Variants in FBXL7 observed in about 807,000 individuals in gnomAD.
FBXL7 encodes the protein F-box and leucine rich repeat protein 7, also known as F-box/LRR-repeat protein 7.
In FBXL7, 12 loss-of-function variants were observed where a neutral mutation model predicts 38.3. The observed-to-expected ratio is 0.31, with a 90% CI of 0.20 to 0.51. The LOEUF (loss-of-function observed/expected upper bound fraction) is 0.51. Among genes scored for constraint, FBXL7 ranks in the 20% least tolerant of loss-of-function variants. The pLI is 0.98. For synonymous variants in FBXL7, 297 were observed against 300.9 expected (o/e 0.99, Z 0.13); for missense variants, 567 against 676.4 (o/e 0.84, Z 1.79).
intron 2 of FBXL7, among the ~76,000 whole-genome samples, chr5:15,790,714 C>A (rs1737251462): frequency 6.6e-6 from 1 of 152,100 alleles, no homozygotes; most frequent in South Asian, 2.1e-4. Flanking sequence ...GCTTCCCTGA[C>A]ATTTATTCAC....
At chr5:15,643,199 T>C (rs1741421955) in intron 2 of FBXL7, among the ~76,000 whole-genome samples, 1 of 152,244 alleles carries the variant, frequency 6.6e-6, no homozygotes, top group Admixed American at 6.5e-5. Flanking sequence ...ATCATGGAGC[T>C]GCTTCTCTCT....
intron 2 of FBXL7, 26 bp downstream of exon 2, chr5:15,616,098 TC>T: frequency 6.7e-7 from 1 of 1,501,566 alleles, no homozygotes; most frequent in Non-Finnish European, 9.2e-7. Flanking sequence ...TCATTATCTC[TC>T]TTTCTTCTTC....
chr5:15,925,867 A>T (rs1741865482), intron 2 of FBXL7, among the ~76,000 whole-genome samples: 1 of 152,228 alleles, frequency 6.6e-6, no homozygotes, highest in Non-Finnish European at 1.5e-5. Context: ...AGTGATACAC[A>T]TTCAGTAGAA....
At chr5:15,613,572 G>A (rs2126514985) in intron 1 of FBXL7, among the ~76,000 whole-genome samples, 1 of 152,260 alleles carries the variant, frequency 6.6e-6, no homozygotes, top group African/African-American at 2.4e-5. Context: ...ATAGTGAGAG[G>A]AAATGATGGC....
intron 1 of FBXL7, among the ~76,000 whole-genome samples, chr5:15,555,454 A>C (rs754965467): frequency 3.9e-5 from 6 of 152,148 alleles, no homozygotes; most frequent in African/African-American, 1.4e-4. Flanking sequence ...TCTTTAACAC[A>C]GTGGGGCTTT....
intron 2 of FBXL7, among the ~76,000 whole-genome samples, chr5:15,617,076 A>G (rs570670219): frequency 6.6e-6 from 1 of 152,316 alleles, no homozygotes; most frequent in African/African-American, 2.4e-5. Flanking sequence ...TATCTGCATT[A>G]TAATTTATGT....
chr5:15,685,088 C>T lies in FBXL7; in HGVS notation c.127+69016C>T, dbSNP rs113057463. ...GATCCCTGCTTATCTAAAATTTTAC[C>T]TGATAGTAGTGTCCATCTACCTGAT... On this transcript the variant is annotated intron_variant, in intron 2 of 3. Transcript: ENST00000504595. Among the ~76,000 whole-genome samples, 213 of 151,974 alleles carry T rather than the reference C, an allele frequency of 1.4e-3. 1 individual carries two copies. The highest frequency in any genetic ancestry group is 5.0e-3 in the African/African-American group (208 of 41,434).
intron 1 of FBXL7, among the ~76,000 whole-genome samples, chr5:15,611,942 C>G (rs769388898): frequency 9.9e-5 from 15 of 151,482 alleles, no homozygotes; most frequent in South Asian, 2.1e-4. Flanking sequence ...GATGGTGCCA[C>G]TACACTCCAG....
At chr5:15,653,658 A>G (rs1480801802) in intron 2 of FBXL7, among the ~76,000 whole-genome samples, 1 of 152,250 alleles carries the variant, frequency 6.6e-6, no homozygotes, top group African/African-American at 2.4e-5. Context: ...GGAGCATGAT[A>G]AAATTAAAGA....
chr5:15,814,833 T>A (rs970940155), intron 2 of FBXL7, among the ~76,000 whole-genome samples: 1 of 152,146 alleles, frequency 6.6e-6, no homozygotes, highest in Non-Finnish European at 1.5e-5. Context: ...TGCTTACACC[T>A]TTAACATCCC....
intron 2 of FBXL7, among the ~76,000 whole-genome samples, chr5:15,828,458 A>C (rs1169126028): frequency 1.3e-5 from 2 of 152,332 alleles, no homozygotes; most frequent in East Asian, 3.9e-4. Flanking sequence ...CTTAAGTTGA[A>C]TGAATGAATG....
intron 1 of FBXL7, among the ~76,000 whole-genome samples, chr5:15,556,932 A>G (rs1285373482): frequency 6.6e-6 from 1 of 152,160 alleles, no homozygotes; most frequent in East Asian, 1.9e-4. Flanking sequence ...AGAAGTGACT[A>G]AAGAAGCCAG....
intron 1 of FBXL7, among the ~76,000 whole-genome samples, chr5:15,603,543 G>A (rs1739876901): frequency 6.6e-6 from 1 of 152,188 alleles, no homozygotes; most frequent in Non-Finnish European, 1.5e-5. Flanking sequence ...ATGCCCTCCA[G>A]TGGGAATTCT....
At chr5:15,770,381 A>T (rs1736697314) in intron 2 of FBXL7, among the ~76,000 whole-genome samples, 1 of 152,134 alleles carries the variant, frequency 6.6e-6, no homozygotes, top group East Asian at 1.9e-4. Flanking sequence ...TTTCTAGAAA[A>T]ACTTTGCTTT....
chr5:15,709,669 A>T (rs1743801927), intron 2 of FBXL7, among the ~76,000 whole-genome samples: 2 of 152,074 alleles, frequency 1.3e-5, no homozygotes, highest in African/African-American at 4.8e-5. Context: ...TTATTGCCAT[A>T]ACCTTCTGTC....
intron 2 of FBXL7, among the ~76,000 whole-genome samples, chr5:15,748,300 G>T (rs560372165): frequency 6.6e-6 from 1 of 152,322 alleles, no homozygotes; most frequent in Non-Finnish European, 1.5e-5. Context: ...CTTCATTATT[G>T]TGTCCTCCAT....
chr5:15,783,143 G>A (rs1737042285), intron 2 of FBXL7, among the ~76,000 whole-genome samples: 1 of 152,174 alleles, frequency 6.6e-6, no homozygotes, highest in Non-Finnish European at 1.5e-5. Context: ...GACTGTGATG[G>A]TGGGCGTGGA....
At chr5:15,634,506 G>GC in intron 2 of FBXL7, among the ~76,000 whole-genome samples, 3 of 55,272 alleles carry the variant, frequency 5.4e-5, no homozygotes, top group South Asian at 4.9e-4. Flanking sequence ...ATTTTTAGTT[G>GC]GGGGGGGGGT....
intron 2 of FBXL7, among the ~76,000 whole-genome samples, chr5:15,672,450 T>C (rs1157841830): frequency 6.6e-6 from 1 of 152,204 alleles, no homozygotes; most frequent in Admixed American, 6.5e-5. Flanking sequence ...TTTCATTTAG[T>C]TTCTAAAAAC....
Sources: allele counts gnomAD v4.1 joint callset (sites outside exome capture counted in the v4.1 genomes callset), GRCh38; gene constraint gnomAD v4.1.1; transcripts MANE v1.5; gene names NCBI Gene and HGNC (gene_info 2026-07-23, HGNC 2026-07-21).